Variants in OCA2 observed in about 807,000 individuals in gnomAD.
OCA2 encodes OCA2 melanosomal transmembrane protein.
A neutral mutation model predicts 100.2 loss-of-function variants in OCA2; 77 were observed. The ratio of observed to expected loss-of-function variants is 0.77; its 90% CI spans 0.64 to 0.93. The LOEUF (loss-of-function observed/expected upper bound fraction) is 0.93, where lower values mean the gene tolerates loss of function less well. Ranked by LOEUF, OCA2 falls within the 40% of genes least tolerant of loss-of-function variation. OCA2 has a pLI of 0.00. For missense variants in OCA2, 1,062 were observed against 1,089.1 expected, an observed-to-expected ratio of 0.98 and a Z score of 0.35; for synonymous variants, 432 against 439.2, an observed-to-expected ratio of 0.98 and a Z score of 0.21.
intron 19 of OCA2, among the ~76,000 whole-genome samples, chr15:27,921,801 T>C (rs1211475757): frequency 6.6e-6 from 1 of 152,120 alleles, no homozygotes; most frequent in Non-Finnish European, 1.5e-5. Flanking sequence ...CCCAGGAGCA[T>C]AGTGCTCCTC....
chr15:27,738,458 G>A, the OCA2 span, among the ~76,000 whole-genome samples: 112 of 152,254 alleles, frequency 7.4e-4, no homozygotes, highest in East Asian at 1.6e-3. Context: ...ACGCCGGGCC[G>A]GGCGCGGTGG....
At chr15:27,904,523 G>A (rs536882889) in intron 19 of OCA2, among the ~76,000 whole-genome samples, 66 of 152,256 alleles carry the variant, frequency 4.3e-4, no homozygotes, top group African/African-American at 1.4e-3. Context: ...AGGGAGCTCA[G>A]TCCTACCTGG....
At chr15:27,938,189 ACCTTACAT>A (rs2039523463) in intron 18 of OCA2, among the ~76,000 whole-genome samples, 1 of 152,206 alleles carries the variant, frequency 6.6e-6, no homozygotes, top group African/African-American at 2.4e-5. Flanking sequence ...AGGCCACTGA[ACCTTACAT>A]AGATTAGGTC....
At chr15:28,000,568 T>A (rs2041895591) in intron 9 of OCA2, among the ~76,000 whole-genome samples, 1 of 152,106 alleles carries the variant, frequency 6.6e-6, no homozygotes, top group Admixed American at 6.5e-5. Flanking sequence ...ATTTTTTGGA[T>A]ATAACACTAA....
chr15:27,772,844 A>AAG (rs2031967074), intron 23 of OCA2, among the ~76,000 whole-genome samples: 1 of 151,488 alleles, frequency 6.6e-6, no homozygotes, highest in Non-Finnish European at 1.5e-5. Context: ...CTATCTCAAA[A>AAG]AAAAAAAAAA....
In OCA2 at chr15:28,070,379, G is replaced by A. The variant is rs1472549280; in HGVS notation, c.227+11269C>T. Among the ~76,000 whole-genome samples the A allele has an allele frequency of 1.1e-4, 15 of 135,030 alleles. No individual in the cohort carries two copies. The South Asian group carries it at 1.3e-3, about 12-fold the overall frequency. The allele number at this position is 135,030 out of a possible 152,430, so 88.6% of individuals were successfully genotyped here. ...AGGTGAGGGGCACCTCTGCCCGGCCGCCCCTACTGGGAAGTGAGGAGCCCC... is the reference window on the plus strand; with the variant it reads ...AGGTGAGGGGCACCTCTGCCCGGCCACCCCTACTGGGAAGTGAGGAGCCCC... On this transcript the variant is annotated intron_variant, in intron 2 of 23. Transcript: ENST00000354638.
rs764063435 is a variant in OCA2, at chr15:27,983,524, A to T, written c.1365-41T>A. The T allele has an allele frequency of 1.2e-5, 19 of 1,611,712 alleles. No homozygotes were observed. The South Asian group carries it at 2.1e-4, about 18-fold the overall frequency. ...GAAAATGAAAGTAGTCCCACTATAC[A>T]CATCGTGAAAGGCCCACATGCAACC... On this transcript the variant is annotated intron_variant, in intron 13 of 23. Transcript: ENST00000354638.
chr15:27,855,910 C>T (rs2035931226), intron 21 of OCA2, among the ~76,000 whole-genome samples: 1 of 152,232 alleles, frequency 6.6e-6, no homozygotes, highest in Admixed American at 6.5e-5. Flanking sequence ...ACTGTATGAG[C>T]TCCCTGTAGC....
At chr15:27,917,900 T>C (rs975756460) in intron 19 of OCA2, among the ~76,000 whole-genome samples, 3 of 152,068 alleles carry the variant, frequency 2.0e-5, no homozygotes, top group African/African-American at 7.2e-5. Context: ...CAGGGAAGCC[T>C]GGGGAAGGCA....
intron 23 of OCA2, among the ~76,000 whole-genome samples, chr15:27,782,174 G>T (rs1017572869): frequency 4.6e-5 from 7 of 152,286 alleles, no homozygotes; most frequent in Admixed American, 6.5e-5. Flanking sequence ...GATGAAAGAA[G>T]ATTTATATTT....
At chr15:27,756,722 T>A (rs1182660611) in intron 23 of OCA2, among the ~76,000 whole-genome samples, 1 of 151,580 alleles carries the variant, frequency 6.6e-6, no homozygotes, top group South Asian at 2.1e-4. Context: ...TTGTGTAGAG[T>A]GAGTCAGTGT....
intron 1 of OCA2, among the ~76,000 whole-genome samples, chr15:28,097,659 T>C (rs1209321891): frequency 6.6e-6 from 1 of 152,144 alleles, no homozygotes; most frequent in Non-Finnish European, 1.5e-5. Context: ...AACCACTGTG[T>C]CCATCTACCT....
chr15:28,024,732 C>A, intron 5 of OCA2, 113 bp downstream of exon 5: 2 of 1,116,952 alleles, frequency 1.8e-6, no homozygotes, highest in Admixed American at 1.7e-5. Context: ...GAGAATCAGG[C>A]GAAGAGGGCC....
intron 15 of OCA2, among the ~76,000 whole-genome samples, chr15:27,961,406 C>T (rs1193753847): frequency 2.0e-5 from 3 of 152,142 alleles, no homozygotes; most frequent in Non-Finnish European, 4.4e-5. Context: ...CCTCAAGGAT[C>T]TAGAACCAGA....
At chr15:28,021,394 G>C (rs2042588908) in intron 6 of OCA2, among the ~76,000 whole-genome samples, 1 of 152,196 alleles carries the variant, frequency 6.6e-6, no homozygotes, top group Non-Finnish European at 1.5e-5. Context: ...GGCTGCAGCA[G>C]AAACAACTCG....
chr15:28,061,171 C>T (rs752936674), intron 2 of OCA2, among the ~76,000 whole-genome samples: 2 of 152,306 alleles, frequency 1.3e-5, no homozygotes, highest in African/African-American at 2.4e-5. Context: ...TCTGGATGAC[C>T]GTGAGGCTCT....
At chr15:27,887,143 A>G (rs921907064) in intron 19 of OCA2, among the ~76,000 whole-genome samples, 3 of 152,196 alleles carry the variant, frequency 2.0e-5, no homozygotes, top group African/African-American at 7.2e-5. Flanking sequence ...GCCTTCTGCC[A>G]TGATCGTGAG....
chr15:27,970,329 G>T (rs1251840409), intron 14 of OCA2, among the ~76,000 whole-genome samples: 1 of 152,146 alleles, frequency 6.6e-6, no homozygotes, highest in Admixed American at 6.5e-5. Flanking sequence ...TTCAGAGGGG[G>T]CCAGAGAGGC....
Position 28,024,911 on chromosome 15 carries a change from G to C in OCA2, c.516-9C>G. 6.2e-7 allele frequency: 1 copy of C among 1,614,120 alleles called. No homozygotes were observed. Among genetic ancestry groups the C allele is most frequent in the Non-Finnish European group, 8.5e-7 (1 of 1,179,968 alleles). ...GCCACTGCACACAGCGCCTGCAAGA[G>C]AAAAAGTAGGGCCTTAGTGGCAAGG... is the stretch of plus-strand genomic sequence containing the variant. On this transcript the variant is annotated splice_polypyrimidine_tract_variant and intron_variant, in intron 4 of 23. Transcript: ENST00000354638.
Sources: allele counts gnomAD v4.1 joint callset (sites outside exome capture counted in the v4.1 genomes callset), GRCh38; gene constraint gnomAD v4.1.1; transcripts MANE v1.5; gene names NCBI Gene and HGNC (gene_info 2026-07-23, HGNC 2026-07-21).